Variants in NADSYN1 observed in about 807,000 individuals in gnomAD.
NADSYN1 encodes the protein NAD synthetase 1.
Under a neutral mutation model 99.3 loss-of-function variants are expected in NADSYN1, and 80 were observed. That is an observed-to-expected ratio of 0.81 (90% CI 0.67 to 0.97). The LOEUF is 0.97. Ranked by LOEUF, NADSYN1 falls within the 50% of genes least tolerant of loss-of-function variation. NADSYN1 has a pLI of 0.00. For missense variants in NADSYN1, 859 were observed against 948.5 expected (o/e 0.91, Z 1.24); for synonymous variants, 385 against 372.1 (o/e 1.03, Z -0.40).
intron 16 of NADSYN1, among the ~76,000 whole-genome samples, chr11:71,486,489 A>G (rs1200992820): frequency 6.6e-6 from 1 of 150,696 alleles, no homozygotes; most frequent in Non-Finnish European, 1.5e-5. Context: ...CCACTCATCC[A>G]TCCATTCATT....
intron 15 of NADSYN1, 188 bp downstream of exon 15, chr11:71,484,635 C>T: frequency 1.3e-6 from 1 of 788,600 alleles, no homozygotes; most frequent in Non-Finnish European, 1.9e-6. Flanking sequence ...GGTCATGCAG[C>T]CTTGTTAACA....
chr11:71,483,065 C>A, intron 14 of NADSYN1, 48 bp downstream of exon 14: 1 of 1,606,050 alleles, frequency 6.2e-7, no homozygotes, highest in South Asian at 1.1e-5. Context: ...TGACAGAGCT[C>A]AGAGTCACTG....
At chr11:71,472,253 G>A (rs996791338) in intron 5 of NADSYN1, among the ~76,000 whole-genome samples, 196 bp from the exon 6 acceptor site, 9 of 152,198 alleles carry the variant, frequency 5.9e-5, no homozygotes, top group African/African-American at 2.2e-4. Context: ...ATGTCACATA[G>A]TCTCCTCAAG....
chr11:71,476,897 C>T (rs890880002), intron 9 of NADSYN1: 13 of 986,974 alleles, frequency 1.3e-5, no homozygotes, highest in Middle Eastern at 5.2e-4. Flanking sequence ...CATTAGAATC[C>T]GGGAGCCGTT....
chr11:71,497,436 C>G (rs756156349), intron 18 of NADSYN1, 47 bp from the exon 19 acceptor site: 38 of 1,612,406 alleles, frequency 2.4e-5, no homozygotes, highest in Admixed American at 6.7e-5. Flanking sequence ...GGCTCTCCCC[C>G]CGCTGTGACT....
intron 11 of NADSYN1, 135 bp downstream of exon 11, chr11:71,481,014 C>G (rs1949703481): frequency 2.5e-6 from 3 of 1,213,646 alleles, no homozygotes; most frequent in East Asian, 5.1e-5. Context: ...ACTGTGCATC[C>G]CCTGGGTTGA....
At chr11:71,454,898 C>CAT (rs3831470) in intron 1 of NADSYN1, among the ~76,000 whole-genome samples, 88,624 of 151,882 alleles carry the variant, frequency 0.58, 27,999 homozygotes, top group Non-Finnish European at 0.74. Flanking sequence ...CAGGCGTACT[C>CAT]GTGTATACAG....
At chr11:71,480,681 T>C (rs1019930270) in intron 10 of NADSYN1, 74 bp from the exon 11 acceptor site, 29 of 1,604,232 alleles carry the variant, frequency 1.8e-5, no homozygotes, top group African/African-American at 2.7e-5. Flanking sequence ...GAGTCCTGCT[T>C]GTCTGTCGGT....
At chr11:71,462,370 T>C (rs1336673679) in intron 3 of NADSYN1, among the ~76,000 whole-genome samples, 1 of 152,226 alleles carries the variant, frequency 6.6e-6, no homozygotes, top group African/African-American at 2.4e-5. Flanking sequence ...ATAATAACTC[T>C]TTCAACCAAT....
In NADSYN1 at chr11:71,482,954, C is replaced by A; in HGVS notation, c.1256C>A (p.Ala419Asp). ...CGRILTTCYM[A>D]SKNSSQETCT... ...CGCATACTGACCACCTGCTACATGG[C>A]CAGCAAGAACTCCTCCCAGGAGACG... Residue 419 changes from alanine to aspartate, a missense_variant, in exon 14 of 21, where the codon GCC becomes GAC. Transcript: ENST00000319023. 6.2e-7 allele frequency: 1 copy of A among 1,613,088 alleles called. No homozygotes were observed. The highest frequency in any genetic ancestry group is 1.3e-5 in the African/African-American group (1 of 74,940).
At position 71,490,966 on chromosome 11, in the gene NADSYN1, G is replaced by T. The variant is rs149758936; in HGVS notation, c.1684G>T (p.Ala562Ser). ...CTGCATCCAGCGCTTCCAGCTTCCT[G>T]CCCTGCAGAGGTGAGTGTGCTCACG... is the stretch of plus-strand genomic sequence containing the variant. Reference protein sequence around the residue: ...QFCIQRFQLPALQSILLAPAT... With the variant: ...QFCIQRFQLPSLQSILLAPAT... Residue 562 changes from alanine to serine, a missense_variant, in exon 17 of 21, where the codon GCC becomes TCC. Transcript: ENST00000319023. 78 of 1,614,192 alleles carry T rather than the reference G, an allele frequency of 4.8e-5. No individual in the cohort carries two copies. The African/African-American group carries it at 1.0e-3, about 21-fold the overall frequency.
At chr11:71,462,552 G>T (rs75549630) in intron 3 of NADSYN1, among the ~76,000 whole-genome samples, 6,067 of 152,192 alleles carry the variant, frequency 0.04, 403 homozygotes, top group African/African-American at 0.14. Flanking sequence ...CCGCAGGCAC[G>T]TGTAGTTAGG....
intron 10 of NADSYN1, chr11:71,479,367 A>C (rs1476166737): frequency 6.6e-6 from 1 of 151,822 alleles, no homozygotes; most frequent in East Asian, 1.9e-4. Context: ...AAGTGTTGGA[A>C]TTACAGGCGT....
At chr11:71,492,632 C>T (rs911569404) in intron 18 of NADSYN1, among the ~76,000 whole-genome samples, 2 of 152,020 alleles carry the variant, frequency 1.3e-5, no homozygotes, top group Non-Finnish European at 2.9e-5. Context: ...TTCCTTATGC[C>T]GGTCCCACGC....
chr11:71,476,664 G>A, intron 9 of NADSYN1: 1 of 985,780 alleles, frequency 1.0e-6, no homozygotes, highest in African/African-American at 1.7e-5. Context: ...AGAGCTGGAA[G>A]GGCTTTGAAG....
chr11:71,469,285 G>T (rs573919499), intron 5 of NADSYN1, among the ~76,000 whole-genome samples: 1 of 152,150 alleles, frequency 6.6e-6, no homozygotes, highest in Admixed American at 6.5e-5. Flanking sequence ...CCTGGGCAAC[G>T]TGGTGAAACC....
chr11:71,497,746 A>G, intron 19 of NADSYN1, 135 bp downstream of exon 19: 2 of 1,198,702 alleles, frequency 1.7e-6, no homozygotes, highest in South Asian at 2.9e-5. Flanking sequence ...ACACAGTAAC[A>G]CTTTTCAGTT....
chr11:71,487,845 A>G (rs895185035), intron 16 of NADSYN1, among the ~76,000 whole-genome samples: 7 of 151,300 alleles, frequency 4.6e-5, no homozygotes, highest in African/African-American at 1.7e-4. Flanking sequence ...AAAAAAAAAA[A>G]AAAAAGAAAA....
At chr11:71,478,804 G>T (rs1949686466) in intron 10 of NADSYN1, 2 of 283,826 alleles carry the variant, frequency 7.0e-6, no homozygotes, top group Non-Finnish European at 7.0e-6. Flanking sequence ...GGTGAGGGGT[G>T]GCAAGCGTGG....
Sources: gnomAD v4.1 joint callset for allele counts (sites outside exome capture counted in the v4.1 genomes callset) on GRCh38, gnomAD v4.1.1 for gene constraint, MANE v1.5 for transcripts, NCBI Gene and HGNC (gene_info 2026-07-23, HGNC 2026-07-21) for gene names.